Variants in NR3C2 observed in about 807,000 individuals in gnomAD.
NR3C2 encodes nuclear receptor subfamily 3 group C member 2, also known as mineralocorticoid receptor.
Under a neutral mutation model 86.4 loss-of-function variants are expected in NR3C2, and 15 were observed. The observed-to-expected ratio is 0.17, with a 90% confidence interval of 0.12 to 0.27. The LOEUF (loss-of-function observed/expected upper bound fraction) is 0.27, where lower values mean the gene tolerates loss of function less well. NR3C2 is among the 10% of genes least tolerant of loss of function. The pLI is 1.00. For synonymous variants in NR3C2, 458 were observed against 450.5 expected, an observed-to-expected ratio of 1.02 and a Z score of -0.21; for missense variants, 960 against 1,195.6, an observed-to-expected ratio of 0.80 and a Z score of 2.91.
chr4:148,126,236 TA>T lies in NR3C2; in HGVS notation c.2511-5949del, dbSNP rs1332146704. Among the ~76,000 whole-genome samples, 3 of 152,202 alleles carry T rather than the reference TA, an allele frequency of 2.0e-5. No individual in the cohort carries two copies. In the East Asian group the frequency reaches 5.8e-4, roughly 29 times the overall value. ...AGGCTTATCACATATAAAATTGGAA[TA>T]CTAATAATAATTCCAATCTTGCAGG... On this transcript the variant is annotated intron_variant, in intron 6 of 8. Coordinates refer to ENST00000358102, the MANE Select transcript of NR3C2 (RefSeq NM_000901.5).
intron 3 of NR3C2, among the ~76,000 whole-genome samples, chr4:148,250,232 T>C (rs1739513002): frequency 6.6e-6 from 1 of 152,216 alleles, no homozygotes; most frequent in African/African-American, 2.4e-5. Context: ...AAAGAACTAT[T>C]ACACTACATG....
chr4:148,326,304 G>C (rs1743967651), intron 2 of NR3C2, among the ~76,000 whole-genome samples: 1 of 151,948 alleles, frequency 6.6e-6, no homozygotes. Context: ...AGGAGGCTGA[G>C]GCAGGATAAT....
In NR3C2 at chr4:148,435,966, T is replaced by C. The variant is rs1750041334; in HGVS notation, c.895A>G (p.Ser299Gly). 6.2e-7 allele frequency: 1 copy of C among 1,614,072 alleles called. No individual in the cohort carries two copies. Among genetic ancestry groups the C allele is most frequent in the African/African-American group, 1.3e-5 (1 of 74,920 alleles). The change falls in exon 2 of 9, where the codon AGC becomes GGC. Residue 299 changes from serine to glycine, a missense_variant. Transcript: ENST00000358102. ...CTTGAGTTGTTAATATTTGCAGGGC[T>C]AGACACAGAGGATCTCAGAGTGACA... is the stretch of plus-strand genomic sequence containing the variant. ...NNVTLRSSVS[S>G]PANINNSRCS...
At chr4:148,377,293 C>G (rs1425144257) in intron 2 of NR3C2, among the ~76,000 whole-genome samples, 3 of 152,140 alleles carry the variant, frequency 2.0e-5, no homozygotes, top group Non-Finnish European at 4.4e-5. Context: ...GGCATCCACA[C>G]CTGCATGGTA....
chr4:148,404,884 C>A (rs745671675), intron 2 of NR3C2, among the ~76,000 whole-genome samples: 2 of 151,828 alleles, frequency 1.3e-5, no homozygotes, highest in Non-Finnish European at 2.9e-5. Flanking sequence ...TTAAAATAAC[C>A]AGAAATAAAA....
At chr4:148,387,862 T>C (rs61764779) in intron 2 of NR3C2, among the ~76,000 whole-genome samples, 115 of 152,286 alleles carry the variant, frequency 7.6e-4, no homozygotes, top group Non-Finnish European at 1.5e-3. Context: ...AATTATGAAA[T>C]GTGGAGCAAG....
chr4:148,411,654 C>T (rs369948402), intron 2 of NR3C2, among the ~76,000 whole-genome samples: 77 of 152,274 alleles, frequency 5.1e-4, no homozygotes, highest in African/African-American at 1.8e-3. Context: ...GAGATCTATC[C>T]TTAAACCTTC....
rs561777496 is a variant in NR3C2 at position 148,143,516 on chromosome 4, C to T, written c.2510+8953G>A. 5.6e-4 allele frequency among the ~76,000 whole-genome samples: 85 copies of T among 152,342 alleles called. 1 individual carries two copies. Among genetic ancestry groups the T allele is most frequent in the African/African-American group, 2.0e-3 (83 of 41,582 alleles). ...TGTTTTATTTACTGTTATATTCCTG[C>T]TGCCTAGAACAGTGCTTAATACACG... On this transcript the variant is annotated intron_variant, in intron 6 of 8. Coordinates refer to ENST00000358102, the MANE Select transcript of NR3C2 (RefSeq NM_000901.5).
intron 7 of NR3C2, among the ~76,000 whole-genome samples, chr4:148,118,037 T>C (rs1315474354): frequency 6.6e-6 from 1 of 152,176 alleles, no homozygotes; most frequent in South Asian, 2.1e-4. Flanking sequence ...CCTCTCCACA[T>C]TGTCTCCTGT....
intron 2 of NR3C2, among the ~76,000 whole-genome samples, chr4:148,262,168 T>C (rs909424898): frequency 2.0e-5 from 3 of 152,226 alleles, no homozygotes; most frequent in Non-Finnish European, 4.4e-5. Flanking sequence ...CTTAAAATCA[T>C]CATGAAAATG....
chr4:148,316,071 G>A (rs982372401), intron 2 of NR3C2, among the ~76,000 whole-genome samples: 1 of 152,088 alleles, frequency 6.6e-6, no homozygotes, highest in African/African-American at 2.4e-5. Context: ...AAAACATGTT[G>A]TAAAACATGA....
intron 2 of NR3C2, among the ~76,000 whole-genome samples, chr4:148,379,916 T>C (rs936806905): frequency 1.2e-4 from 18 of 152,266 alleles, no homozygotes; most frequent in Admixed American, 3.3e-4. Context: ...TTTGGAAAAC[T>C]AAAATTAAGG....
intron 2 of NR3C2, among the ~76,000 whole-genome samples, chr4:148,358,664 GTTC>G (rs1561062438): frequency 5.3e-5 from 8 of 151,676 alleles, no homozygotes; most frequent in African/African-American, 1.2e-4. Context: ...CCATATCTCC[GTTC>G]TTTTTTGCTA....
At chr4:148,113,243 T>C (rs1451886854) in intron 8 of NR3C2, among the ~76,000 whole-genome samples, 1 of 152,124 alleles carries the variant, frequency 6.6e-6, no homozygotes, top group African/African-American at 2.4e-5. Flanking sequence ...GAATAATGAA[T>C]ATAAGACTCA....
At chr4:148,272,360 C>T (rs1322538814) in intron 2 of NR3C2, among the ~76,000 whole-genome samples, 8 of 152,130 alleles carry the variant, frequency 5.3e-5, no homozygotes. Context: ...AATGTAACAT[C>T]TGTTTCTTAC....
chr4:148,441,446 C>T (rs1750333418), intron 1 of NR3C2, among the ~76,000 whole-genome samples: 1 of 152,148 alleles, frequency 6.6e-6, no homozygotes. Flanking sequence ...TTCAAAAGCT[C>T]GTCTGCTATC....
chr4:148,196,365 C>T (rs1052880549), intron 3 of NR3C2, among the ~76,000 whole-genome samples: 3 of 152,012 alleles, frequency 2.0e-5, no homozygotes, highest in Non-Finnish European at 2.9e-5. Flanking sequence ...GTCAGGTCTG[C>T]GGTTAGGAAG....
At chr4:148,358,767 C>T (rs911551833) in intron 2 of NR3C2, among the ~76,000 whole-genome samples, 6 of 152,144 alleles carry the variant, frequency 3.9e-5, no homozygotes, top group Non-Finnish European at 7.4e-5. Context: ...ATTTTCAACA[C>T]ACTTATAGCT....
chr4:148,340,214 A>G (rs1744685263), intron 2 of NR3C2, among the ~76,000 whole-genome samples: 1 of 152,206 alleles, frequency 6.6e-6, no homozygotes. Flanking sequence ...AGTAATTCTG[A>G]GCAAAAAGAA....
Sources: allele counts gnomAD v4.1 joint callset (sites outside exome capture counted in the v4.1 genomes callset), GRCh38; gene constraint gnomAD v4.1.1; transcripts MANE v1.5; gene names NCBI Gene and HGNC (gene_info 2026-07-23, HGNC 2026-07-21).